Variants in IL1RL2 observed in about 807,000 individuals in gnomAD.
IL1RL2 encodes the protein interleukin 1 receptor like 2.
In IL1RL2, 68 loss-of-function variants were observed where a neutral mutation model predicts 66.8. That is an observed-to-expected ratio of 1.02 (90% CI 0.84 to 1.25). IL1RL2 has a LOEUF of 1.25. Among genes scored for constraint, IL1RL2 ranks in the 50% most tolerant of loss-of-function variants. The probability of loss-of-function intolerance (pLI) is 0.00; values close to 1 mark genes in which losing one functional copy is unlikely to be tolerated. For missense variants in IL1RL2, 729 were observed against 709.3 expected (o/e 1.03, Z -0.32); for synonymous variants, 305 against 264.6 (o/e 1.15, Z -1.48).
intron 11 of IL1RL2, 23 bp downstream of exon 11, chr2:102,235,300 G>T (rs1180297382): frequency 1.9e-6 from 3 of 1,603,544 alleles, no homozygotes; most frequent in Non-Finnish European, 2.6e-6. Flanking sequence ...GAGGACACGA[G>T]GTTTGTCACG....
Position 102,220,004 on chromosome 2 carries a change from A to C in IL1RL2, c.978A>C (p.Ile326=). Residue 326 remains isoleucine (I), a synonymous_variant, in exon 8 of 12, where the codon ATA becomes ATC. Transcript: ENST00000264257. ...CHAGVSTAYI[I]LQLPAPDFRA... Reference sequence around the variant, plus strand: ...CTGGAGTGTCCACAGCATACATTATATTACAGCTCCCAGGTAATACTCCAG... The same window carrying C: ...CTGGAGTGTCCACAGCATACATTATCTTACAGCTCCCAGGTAATACTCCAG... The C allele has an allele frequency of 1.9e-6, 3 of 1,611,696 alleles. No homozygotes were observed. In the South Asian group the frequency reaches 3.3e-5, roughly 18 times the overall value.
intron 6 of IL1RL2, among the ~76,000 whole-genome samples, chr2:102,217,711 G>A (rs1689733256): frequency 6.6e-6 from 1 of 152,112 alleles, no homozygotes; most frequent in African/African-American, 2.4e-5. Context: ...AATGGTGATA[G>A]GAAAATTGGA....
intron 1 of IL1RL2, chr2:102,187,320 C>G (rs962634821): frequency 1.7e-6 from 2 of 1,174,494 alleles, no homozygotes; most frequent in African/African-American, 3.2e-5. Context: ...CTTCCTTTCT[C>G]CTTTCCCGCT....
At chr2:102,220,486 G>A (rs1053909007) in intron 8 of IL1RL2, among the ~76,000 whole-genome samples, 2 of 152,180 alleles carry the variant, frequency 1.3e-5, no homozygotes, top group African/African-American at 4.8e-5. Context: ...ATTGCACTCT[G>A]AGTACCGTAC....
intron 5 of IL1RL2, among the ~76,000 whole-genome samples, chr2:102,211,416 C>T (rs957047549): frequency 2.0e-5 from 3 of 151,604 alleles, no homozygotes; most frequent in African/African-American, 4.9e-5. Context: ...TAGAAGAGGA[C>T]GGGATATAAA....
At position 102,224,957 on chromosome 2, in the gene IL1RL2, G is replaced by A. The variant is rs1358612594; in HGVS notation, c.992-941G>A. ...CTCTGCCCACCCCACCATCCAGTGA[G>A]GACTGGAGGATGAGGAAAGGGCTGA... On this transcript the variant is annotated intron_variant, in intron 8 of 11. Transcript: ENST00000264257. Among the ~76,000 whole-genome samples the A allele has an allele frequency of 3.3e-5, 5 of 152,138 alleles. No homozygotes were observed. The East Asian group carries it at 7.7e-4, about 23-fold the overall frequency.
intron 5 of IL1RL2, among the ~76,000 whole-genome samples, chr2:102,202,191 C>T (rs1455829913): frequency 1.3e-5 from 2 of 152,048 alleles, no homozygotes. Context: ...GTGTTCTCAG[C>T]CCAGAGCAGC....
At chr2:102,239,140 C>G (rs963480787) in intron 11 of IL1RL2, 52 bp from the exon 12 acceptor site, 29 of 1,552,732 alleles carry the variant, frequency 1.9e-5, no homozygotes, top group Non-Finnish European at 2.6e-5. Flanking sequence ...CTTATCAGCC[C>G]CCATCTCCCA....
chr2:102,187,426 A>C, intron 1 of IL1RL2: 1 of 1,098,874 alleles, frequency 9.1e-7, no homozygotes, highest in Non-Finnish European at 1.1e-6. Flanking sequence ...TCCCGAGGAC[A>C]CAGGCGCGCA....
At position 102,234,799 on chromosome 2, in the gene IL1RL2, T is replaced by A. The variant is rs893996396; in HGVS notation, c.1298-98T>A. On this transcript the variant is annotated intron_variant, in intron 10 of 11. Coordinates refer to ENST00000264257, the MANE Select transcript of IL1RL2 (RefSeq NM_003854.4). The stretch of plus-strand genomic sequence containing the variant: ...GAGACTTCACTTCAAAAAAAAAAAG[T>A]CAATTTTCTCCTGGCCTGTTTCAAA... 7 of 1,181,514 alleles carry A rather than the reference T, an allele frequency of 5.9e-6. No individual in the cohort carries two copies. The African/African-American group carries it at 9.2e-5, about 16-fold the overall frequency. The allele number at this position is 1,181,514 out of a possible 1,614,324, so 73.2% of individuals were successfully genotyped here.
chr2:102,219,879 A>G lies in IL1RL2; in HGVS notation c.855-2A>G. 2 of 1,600,632 alleles carry G rather than the reference A, an allele frequency of 1.2e-6. No individual in the cohort carries two copies. Among genetic ancestry groups the G allele is most frequent in the Non-Finnish European group, 1.7e-6 (2 of 1,168,576 alleles). On this transcript the variant is annotated splice_acceptor_variant, in intron 7 of 11. Transcript: ENST00000264257. LOFTEE classifies it high-confidence loss of function. ...TTAATGACTTACTCTTTTCTTTTATAGAACCCATGTCTCTTTTCGGGAACA... is the reference window on the plus strand; with the variant it reads ...TTAATGACTTACTCTTTTCTTTTATGGAACCCATGTCTCTTTTCGGGAACA...
intron 8 of IL1RL2, among the ~76,000 whole-genome samples, chr2:102,223,297 T>C (rs1456732651): frequency 1.3e-5 from 2 of 152,172 alleles, no homozygotes; most frequent in African/African-American, 2.4e-5. Flanking sequence ...CTTCCTTATG[T>C]TTGTTAAAGA....
At chr2:102,200,461 C>A (rs972349476) in intron 4 of IL1RL2, among the ~76,000 whole-genome samples, 1 of 151,934 alleles carries the variant, frequency 6.6e-6, no homozygotes, top group Non-Finnish European at 1.5e-5. Context: ...AACACTTGGG[C>A]AGGTAAATAT....
At chr2:102,198,806 A>G (rs1249030038) in intron 4 of IL1RL2, among the ~76,000 whole-genome samples, 1 of 151,964 alleles carries the variant, frequency 6.6e-6, no homozygotes, top group Non-Finnish European at 1.5e-5. Context: ...GATTTATAGA[A>G]CCATCCGTTT....
intron 8 of IL1RL2, among the ~76,000 whole-genome samples, chr2:102,222,860 A>G (rs1690259079): frequency 6.6e-6 from 1 of 152,182 alleles, no homozygotes; most frequent in Admixed American, 6.5e-5. Flanking sequence ...AGTCCAGGAG[A>G]CCTGAAGTGG....
intron 11 of IL1RL2, among the ~76,000 whole-genome samples, chr2:102,236,503 T>C (rs914564677): frequency 2.6e-5 from 4 of 152,248 alleles, no homozygotes; most frequent in Admixed American, 1.3e-4. Flanking sequence ...ACACATTTGT[T>C]TAGCATCCTA....
chr2:102,230,016 A>C (rs1690978314), intron 9 of IL1RL2, among the ~76,000 whole-genome samples: 1 of 152,212 alleles, frequency 6.6e-6, no homozygotes. Flanking sequence ...GAGAGAAGAG[A>C]GATAACTAGT....
At chr2:102,195,713 CT>C (rs375355881) in intron 4 of IL1RL2, among the ~76,000 whole-genome samples, 72 of 99,986 alleles carry the variant, frequency 7.2e-4, no homozygotes, top group East Asian at 2.1e-3. Flanking sequence ...TTCTTTCTTT[CT>C]TTTTTTTTTT....
At chr2:102,191,804 T>C (rs1025397396) in intron 3 of IL1RL2, 121 bp from the exon 4 acceptor site, 25 of 657,898 alleles carry the variant, frequency 3.8e-5, no homozygotes, top group Non-Finnish European at 2.6e-6. Flanking sequence ...TAGTGCTTTG[T>C]TAGAGGCAGA....
Sources: allele counts gnomAD v4.1 joint callset (sites outside exome capture counted in the v4.1 genomes callset), GRCh38; gene constraint gnomAD v4.1.1; transcripts MANE v1.5; gene names NCBI Gene and HGNC (gene_info 2026-07-23, HGNC 2026-07-21).